Variants in NEK11 observed in about 807,000 individuals in gnomAD.
The protein encoded by NEK11 is serine/threonine-protein kinase Nek11.
In NEK11, 72 loss-of-function variants were observed where a neutral mutation model predicts 80.7. That is an observed-to-expected ratio of 0.89 (90% CI 0.74 to 1.08). NEK11 has a LOEUF of 1.08. Among genes scored for constraint, NEK11 ranks in the 50% least tolerant of loss-of-function variants. The probability of loss-of-function intolerance (pLI) is 0.00; values close to 1 mark genes in which losing one functional copy is unlikely to be tolerated. For missense variants in NEK11, 764 were observed against 763.6 expected, an observed-to-expected ratio of 1.00 and a Z score of -0.01; for synonymous variants, 251 against 260.7, an observed-to-expected ratio of 0.96 and a Z score of 0.36.
intron 3 of NEK11, among the ~76,000 whole-genome samples, chr3:131,067,318 G>T (rs1027929784): frequency 1.2e-4 from 19 of 152,204 alleles, no homozygotes; most frequent in African/African-American, 4.6e-4. Flanking sequence ...TAAGGTAATA[G>T]TTGAGAAGCT....
At chr3:131,245,917 C>A (rs964382692) in intron 16 of NEK11, among the ~76,000 whole-genome samples, 1 of 151,904 alleles carries the variant, frequency 6.6e-6, no homozygotes, top group African/African-American at 2.4e-5. Flanking sequence ...AATATTTTCT[C>A]CTGTTCTGCA....
chr3:131,350,077 G>A lies in NEK11; in HGVS notation c.*301G>A, dbSNP rs2097429853. 1 of 321,670 alleles carries A rather than the reference G, an allele frequency of 3.1e-6. No individual in the cohort carries two copies. Among genetic ancestry groups the A allele is most frequent in the African/African-American group, 2.2e-5 (1 of 46,200 alleles). The allele number at this position is 321,670 out of a possible 1,614,324, so 19.9% of individuals were successfully genotyped here. ...GCTTCCAGCAGGATTGAGTCACCCT[G>A]ACGATGACCGGGGAGAAGCCGTGTG... is the stretch of plus-strand genomic sequence containing the variant. On this transcript the variant is annotated 3_prime_UTR_variant, in exon 18 of 18. Coordinates refer to ENST00000383366, the MANE Select transcript of NEK11 (RefSeq NM_024800.5).
chr3:131,217,185 A>C (rs1405553663), intron 14 of NEK11, among the ~76,000 whole-genome samples: 3 of 152,214 alleles, frequency 2.0e-5, no homozygotes, highest in African/African-American at 4.8e-5. Context: ...GCTTTTAAAA[A>C]TTGAAAAGGA....
At chr3:131,125,681 A>G (rs372219492) in intron 5 of NEK11, among the ~76,000 whole-genome samples, 3 of 152,230 alleles carry the variant, frequency 2.0e-5, no homozygotes, top group African/African-American at 7.2e-5. Context: ...AGTACAGCAC[A>G]TAACATCTAG....
At chr3:131,316,678 T>C (rs1014685363) in intron 17 of NEK11, among the ~76,000 whole-genome samples, 2 of 152,222 alleles carry the variant, frequency 1.3e-5, no homozygotes, top group Admixed American at 1.3e-4. Flanking sequence ...ACAGTATCTT[T>C]ATGTCATCCT....
intron 14 of NEK11, among the ~76,000 whole-genome samples, chr3:131,211,824 C>T (rs1035782350): frequency 1.3e-5 from 2 of 152,224 alleles, no homozygotes; most frequent in East Asian, 1.9e-4. Flanking sequence ...TCCCTCAGGC[C>T]GTTTAATGTC....
chr3:131,348,689 T>C (rs918305799), intron 17 of NEK11, among the ~76,000 whole-genome samples: 5 of 151,070 alleles, frequency 3.3e-5, no homozygotes, highest in African/African-American at 1.2e-4. Context: ...GATATGGCAA[T>C]ATGATTATAA....
intron 4 of NEK11, among the ~76,000 whole-genome samples, chr3:131,092,285 G>A (rs1246805810): frequency 6.6e-6 from 1 of 152,144 alleles, no homozygotes; most frequent in African/African-American, 2.4e-5. Flanking sequence ...ACCATTTGAT[G>A]TACAACAGAT....
chr3:131,114,808 A>T (rs1468341115), intron 5 of NEK11, among the ~76,000 whole-genome samples: 1 of 152,244 alleles, frequency 6.6e-6, no homozygotes, highest in African/African-American at 2.4e-5. Flanking sequence ...ACAAAGCATT[A>T]TTCTAGTTTT....
chr3:131,171,827 T>A (rs970044174), intron 14 of NEK11, among the ~76,000 whole-genome samples: 1 of 152,180 alleles, frequency 6.6e-6, no homozygotes, highest in African/African-American at 2.4e-5. Context: ...TCCAGGAACA[T>A]GCTAAGCACT....
intron 14 of NEK11, among the ~76,000 whole-genome samples, chr3:131,220,016 G>A (rs951284726): frequency 5.3e-5 from 8 of 152,200 alleles, no homozygotes; most frequent in African/African-American, 1.9e-4. Flanking sequence ...GGTCCTCCTA[G>A]TCACTACTTT....
chr3:131,340,692 C>CGA (rs1561634174), intron 17 of NEK11, among the ~76,000 whole-genome samples: 2 of 152,116 alleles, frequency 1.3e-5, no homozygotes, highest in Non-Finnish European at 2.9e-5. Context: ...AACCTTCCTT[C>CGA]AGGACTCCTG....
intron 3 of NEK11, among the ~76,000 whole-genome samples, chr3:131,042,275 C>A (rs148100407): frequency 1.5e-3 from 223 of 152,226 alleles, no homozygotes; most frequent in Middle Eastern, 0.014. Flanking sequence ...GTTCACTCCC[C>A]TGGAAAGGGG....
intron 16 of NEK11, among the ~76,000 whole-genome samples, chr3:131,257,695 C>A (rs1194167313): frequency 1.3e-5 from 2 of 152,118 alleles, no homozygotes; most frequent in African/African-American, 4.8e-5. Flanking sequence ...GATTCACATT[C>A]TAATGAAAAG....
intron 3 of NEK11, among the ~76,000 whole-genome samples, chr3:131,037,801 A>T (rs1461054632): frequency 1.3e-5 from 2 of 152,208 alleles, no homozygotes; most frequent in Admixed American, 6.5e-5. Flanking sequence ...GAGTCATTTT[A>T]AACAAAACAT....
chr3:131,276,371 G>A (rs2096290570), intron 17 of NEK11, among the ~76,000 whole-genome samples: 1 of 152,136 alleles, frequency 6.6e-6, no homozygotes, highest in African/African-American at 2.4e-5. Context: ...GGTCATTAGA[G>A]GCCTCTGCCA....
chr3:131,073,570 A>T (rs1254062815), intron 3 of NEK11, among the ~76,000 whole-genome samples: 4 of 152,192 alleles, frequency 2.6e-5, no homozygotes, highest in Admixed American at 2.0e-4. Context: ...ATCAGTCTTG[A>T]AAAGCATAGT....
intron 5 of NEK11, among the ~76,000 whole-genome samples, chr3:131,117,496 T>C (rs1216576664): frequency 2.6e-5 from 4 of 152,288 alleles, no homozygotes; most frequent in Non-Finnish European, 4.4e-5. Flanking sequence ...AGTTTTTTTT[T>C]CCCAATTCTG....
chr3:131,229,184 C>A (rs997539274), intron 15 of NEK11, among the ~76,000 whole-genome samples: 1 of 152,116 alleles, frequency 6.6e-6, no homozygotes, highest in Non-Finnish European at 1.5e-5. Context: ...CTTTTAGCCT[C>A]TGAGGACACA....
Sources: allele counts gnomAD v4.1 joint callset (sites outside exome capture counted in the v4.1 genomes callset), GRCh38; gene constraint gnomAD v4.1.1; transcripts MANE v1.5; gene names NCBI Gene and HGNC (gene_info 2026-07-23, HGNC 2026-07-21).